ZNF346: variants seen among roughly 807,000 people sequenced by gnomAD.
The protein encoded by ZNF346 is double-stranded RNA-binding zinc finger protein JAZ.
A neutral mutation model predicts 33.7 loss-of-function variants in ZNF346; 23 were observed. The observed-to-expected ratio is 0.68, with a 90% confidence interval of 0.49 to 0.97. The LOEUF is 0.97. Among genes scored for constraint, ZNF346 ranks in the 50% least tolerant of loss-of-function variants. The pLI, the probability that ZNF346 is intolerant of heterozygous loss-of-function variation, is 0.00. For synonymous variants in ZNF346, 134 were observed against 142.4 expected (o/e 0.94, Z 0.42); for missense variants, 340 against 371.1 (o/e 0.92, Z 0.69).
At chr5:177,074,107 G>A (rs561891537) in intron 8 of ZNF346, among the ~76,000 whole-genome samples, 1 of 152,274 alleles carries the variant, frequency 6.6e-6, no homozygotes, top group Admixed American at 6.5e-5. Context: ...ACTGCCACCT[G>A]AGCCCAGCTA....
chr5:177,072,608 G>T (rs1376644442), downstream of ZNF346, among the ~76,000 whole-genome samples: 1 of 152,176 alleles, frequency 6.6e-6, no homozygotes, highest in African/African-American at 2.4e-5. Context: ...CCAGTACTTT[G>T]GGAGGCCAAA....
intron 4 of ZNF346, 38 bp downstream of exon 4, chr5:177,044,571 T>C: frequency 6.2e-7 from 1 of 1,609,224 alleles, no homozygotes; most frequent in Non-Finnish European, 8.5e-7. Context: ...GTGGGACCCC[T>C]GCCGTCCTCA....
rs575748682 is a variant in ZNF346, at chr5:177,058,986, C to T, written c.704-3072C>T. Among the ~76,000 whole-genome samples the T allele has an allele frequency of 3.9e-5, 6 of 152,216 alleles. No individual in the cohort carries two copies. The South Asian group carries it at 1.2e-3, about 31-fold the overall frequency. On this transcript the variant is annotated intron_variant, in intron 5 of 6. Coordinates refer to ENST00000358149, the MANE Select transcript of ZNF346 (RefSeq NM_012279.4). ...CTGGCCTCAAGTGATCCACCCGCCT[C>T]GCCCTCCCAAAGTGCTGGGATTACA...
intron 8 of ZNF346, among the ~76,000 whole-genome samples, chr5:177,073,815 G>A (rs538018609): frequency 3.5e-5 from 5 of 143,402 alleles, no homozygotes; most frequent in Admixed American, 2.7e-4. Flanking sequence ...CATCAAGATC[G>A]GGCGGGCGGG....
At chr5:177,036,856 T>A (rs576490546) in intron 1 of ZNF346, among the ~76,000 whole-genome samples, 79 of 152,200 alleles carry the variant, frequency 5.2e-4, no homozygotes, top group African/African-American at 1.9e-3. Context: ...CACCTGAGCC[T>A]GGGAAATTGA....
chr5:177,076,144 C>T (rs145391127), intron 8 of ZNF346, among the ~76,000 whole-genome samples: 2 of 152,290 alleles, frequency 1.3e-5, no homozygotes, highest in African/African-American at 4.8e-5. Context: ...TAGAATAAGA[C>T]AGAAGTGACA....
chr5:177,047,245 C>T (rs1378605283), intron 4 of ZNF346, among the ~76,000 whole-genome samples: 1 of 151,692 alleles, frequency 6.6e-6, no homozygotes, highest in Non-Finnish European at 1.5e-5. Flanking sequence ...GACGGGGTTT[C>T]ACTATGTTGC....
At chr5:177,056,259 A>G (rs1306255176) in intron 5 of ZNF346, among the ~76,000 whole-genome samples, 1 of 152,096 alleles carries the variant, frequency 6.6e-6, no homozygotes, top group East Asian at 1.9e-4. Flanking sequence ...GAATCTAAAA[A>G]GCCAGGAAAC....
intron 5 of ZNF346, among the ~76,000 whole-genome samples, chr5:177,059,087 A>G (rs143249958): frequency 1.3e-5 from 2 of 152,324 alleles, no homozygotes; most frequent in Non-Finnish European, 2.9e-5. Flanking sequence ...GTTCAAGGCC[A>G]TTCATTCATT....
intron 4 of ZNF346, among the ~76,000 whole-genome samples, chr5:177,049,039 A>G (rs916531181): frequency 1.4e-4 from 21 of 151,138 alleles, no homozygotes; most frequent in Admixed American, 9.9e-4. Context: ...GCCTGCCTCA[A>G]CCTCCCAAAG....
At position 177,067,300 on chromosome 5, in the gene ZNF346, T is replaced by C. The variant is rs1783261470; in HGVS notation, c.*2701T>C. Among the ~76,000 whole-genome samples, 1 of 152,158 alleles carries C rather than the reference T, an allele frequency of 6.6e-6. No homozygotes were observed. Among genetic ancestry groups the C allele is most frequent in the African/African-American group, 2.4e-5 (1 of 41,436 alleles). On this transcript the variant is annotated 3_prime_UTR_variant, in exon 7 of 7. Transcript: ENST00000358149. ...AAAGGAATGTTATGGCCTCAAGAGC[T>C]CTTTGTCCATCCTTTACTGTAGACA... is the stretch of plus-strand genomic sequence containing the variant.
intron 1 of ZNF346, among the ~76,000 whole-genome samples, chr5:177,039,676 C>T (rs1779082086): frequency 1.3e-5 from 2 of 152,172 alleles, no homozygotes; most frequent in Admixed American, 1.3e-4. Flanking sequence ...CAGAGTCTCA[C>T]CATCTTGCCC....
At chr5:177,063,618 G>T (rs1355433968) in intron 6 of ZNF346, among the ~76,000 whole-genome samples, 1 of 152,160 alleles carries the variant, frequency 6.6e-6, no homozygotes, top group Non-Finnish European at 1.5e-5. Context: ...ACCTGAAATT[G>T]CCAGTGTTGT....
chr5:177,027,045 T>G (rs756668039), intron 1 of ZNF346, among the ~76,000 whole-genome samples: 6 of 152,154 alleles, frequency 3.9e-5, no homozygotes, highest in Non-Finnish European at 7.3e-5. Context: ...TTGGATTCTT[T>G]AGATAAAAGT....
chr5:177,058,133 T>C lies in ZNF346; in HGVS notation c.704-3925T>C, dbSNP rs183328411. Among the ~76,000 whole-genome samples, 40 of 151,468 alleles carry C rather than the reference T, an allele frequency of 2.6e-4. No individual in the cohort carries two copies. In the Middle Eastern group the frequency reaches 0.024, roughly 90 times the overall value. On this transcript the variant is annotated intron_variant, in intron 5 of 6. Transcript: ENST00000358149. ...ACCATGCCCAGCCTGAGGTCATAGA[T>C]TTTCAAGAGGACTTGGATTTGAAGA...
At position 177,044,417 on chromosome 5, in the gene ZNF346, A is replaced by G; in HGVS notation, c.401A>G (p.Gln134Arg). The G allele has an allele frequency of 6.2e-7, 1 of 1,614,134 alleles. No homozygotes were observed. Among genetic ancestry groups the G allele is most frequent in the Non-Finnish European group, 8.5e-7 (1 of 1,180,034 alleles). ...AGCAGCAGAAGCAAAGACAAGAACC[A>G]GTGCTGCCCCATCTGTAACATGACC... ...QKSSRSKDKN[Q>R]CCPICNMTFS... Residue 134 changes from glutamine (Q) to arginine (R), a missense_variant, in exon 4 of 7, where the codon CAG (glutamine) becomes CGG (arginine). Coordinates refer to ENST00000358149, the MANE Select transcript of ZNF346 (RefSeq NM_012279.4).
rs1383434548 is a variant in ZNF346, at chr5:177,067,872, A to C, written c.*3273A>C. The stretch of plus-strand genomic sequence containing the variant: ...GTAATCCCAGCACTTTGGGAGGCCA[A>C]GGCGGGTGTATCACTTGCGGCCGGG... On this transcript the variant is annotated 3_prime_UTR_variant, in exon 7 of 7. Coordinates refer to ENST00000358149, the MANE Select transcript of ZNF346 (RefSeq NM_012279.4). Among the ~76,000 whole-genome samples, 2 of 152,310 alleles carry C rather than the reference A, an allele frequency of 1.3e-5. No individual in the cohort carries two copies. Among genetic ancestry groups the C allele is most frequent in the South Asian group, 4.1e-4 (2 of 4,826 alleles).
At chr5:177,042,923 C>G (rs1312827290) in intron 3 of ZNF346, among the ~76,000 whole-genome samples, 1 of 152,120 alleles carries the variant, frequency 6.6e-6, no homozygotes, top group Non-Finnish European at 1.5e-5. Flanking sequence ...ACGATCTCAG[C>G]TCACTGCAAC....
chr5:177,056,999 T>C (rs1387552450), intron 5 of ZNF346, among the ~76,000 whole-genome samples: 2 of 152,248 alleles, frequency 1.3e-5, no homozygotes, highest in South Asian at 2.1e-4. Context: ...TTTAAATACA[T>C]AGAGGAACGT....
Sources: gnomAD v4.1 joint callset for allele counts (sites outside exome capture counted in the v4.1 genomes callset) on GRCh38, gnomAD v4.1.1 for gene constraint, MANE v1.5 for transcripts, NCBI Gene and HGNC (gene_info 2026-07-23, HGNC 2026-07-21) for gene names.